Variants in HS6ST2 observed in about 807,000 individuals in gnomAD.
HS6ST2 encodes heparan sulfate 6-O-sulfotransferase 2.
A neutral mutation model predicts 33.0 loss-of-function variants in HS6ST2; 17 were observed. The ratio of observed to expected loss-of-function variants is 0.52; its 90% CI spans 0.35 to 0.77. The LOEUF is 0.77. Among genes scored for constraint, HS6ST2 ranks in the 30% least tolerant of loss-of-function variants. The pLI is 0.01. For synonymous variants in HS6ST2, 248 were observed against 237.1 expected (o/e 1.05, Z -0.42); for missense variants, 519 against 551.7 (o/e 0.94, Z 0.59).
intron 4 of HS6ST2, among the ~76,000 whole-genome samples, chrX:132,657,253 G>C (rs919825516): frequency 2.1e-4 from 23 of 111,534 alleles, no homozygotes; most frequent in Non-Finnish European, 1.9e-5. Context: ...ACCAAGTGGG[G>C]GAATAGAAAC....
chrX:132,681,542 C>T (rs1169649349), intron 3 of HS6ST2, among the ~76,000 whole-genome samples: 1 of 111,537 alleles, frequency 9.0e-6, no homozygotes, highest in Non-Finnish European at 1.9e-5. Flanking sequence ...CCCAGCAATT[C>T]GGGAGGCCAA....
intron 4 of HS6ST2, among the ~76,000 whole-genome samples, chrX:132,652,919 T>C (rs907821611): frequency 8.9e-6 from 1 of 111,736 alleles, no homozygotes; most frequent in Non-Finnish European, 1.9e-5. Context: ...CTCAGGTTTC[T>C]TCTCTGGGGA....
chrX:132,754,418 C>CTT (rs774142302), intron 2 of HS6ST2, among the ~76,000 whole-genome samples: 16 of 96,688 alleles, frequency 1.7e-4, no homozygotes, highest in Middle Eastern at 5.2e-3. Flanking sequence ...CCATACTGCA[C>CTT]TTTTTTTTTT....
intron 2 of HS6ST2, among the ~76,000 whole-genome samples, chrX:132,904,363 G>A (rs1258800895): frequency 9.0e-6 from 1 of 110,521 alleles, no homozygotes; most frequent in Non-Finnish European, 1.9e-5. Context: ...AAAAGTTTCC[G>A]GCTTTTACTA....
chrX:132,647,149 T>A (rs187821036), intron 4 of HS6ST2, among the ~76,000 whole-genome samples: 3 of 111,116 alleles, frequency 2.7e-5, no homozygotes, highest in African/African-American at 9.8e-5. Context: ...CCATCAGCCT[T>A]TCCCCTCAGT....
At chrX:132,722,884 C>CAAAAAAA (rs144182974) in intron 2 of HS6ST2, among the ~76,000 whole-genome samples, 1 of 82,297 alleles carries the variant, frequency 1.2e-5, no homozygotes, top group Non-Finnish European at 2.4e-5. Context: ...AATAAAAAAA[C>CAAAAAAA]AAAAAAAAAA....
intron 2 of HS6ST2, among the ~76,000 whole-genome samples, chrX:132,778,530 G>A (rs1389627072): frequency 9.2e-6 from 1 of 108,621 alleles, no homozygotes; most frequent in Non-Finnish European, 1.9e-5. Context: ...CTCCTGAGTA[G>A]CTGGGATTAC....
chrX:132,890,709 C>T (rs1337512270), intron 2 of HS6ST2, among the ~76,000 whole-genome samples: 1 of 110,712 alleles, frequency 9.0e-6, no homozygotes, highest in Non-Finnish European at 1.9e-5. Context: ...TAACGATGAG[C>T]CTCACTTCTA....
chrX:132,744,470 T>C (rs1360248876), intron 2 of HS6ST2, among the ~76,000 whole-genome samples: 1 of 112,206 alleles, frequency 8.9e-6, no homozygotes, highest in Admixed American at 9.4e-5. Context: ...TTTACTCAAA[T>C]GTGGTTCCAA....
intron 4 of HS6ST2, among the ~76,000 whole-genome samples, chrX:132,642,848 T>G (rs997636510): frequency 5.3e-5 from 6 of 112,543 alleles, no homozygotes; most frequent in African/African-American, 1.9e-4. Context: ...AAGCGTTCTA[T>G]AAGTTTCGTG....
intron 2 of HS6ST2, among the ~76,000 whole-genome samples, chrX:132,816,764 GA>G (rs754464910): frequency 1.8e-5 from 2 of 111,396 alleles, no homozygotes; most frequent in African/African-American, 3.3e-5. Context: ...AGCAACTTTA[GA>G]GTTCACTGCC....
chrX:132,860,392 T>C (rs1300201173), intron 2 of HS6ST2, among the ~76,000 whole-genome samples: 2 of 112,546 alleles, frequency 1.8e-5, no homozygotes, highest in Non-Finnish European at 3.7e-5. Context: ...TCACTTTCAG[T>C]ACCTCTGCTA....
intron 2 of HS6ST2, among the ~76,000 whole-genome samples, chrX:132,885,289 A>T (rs750443613): frequency 1.8e-5 from 2 of 112,034 alleles, no homozygotes; most frequent in South Asian, 7.5e-4. Flanking sequence ...TGGGTGATGA[A>T]AACATTCTGG....
chrX:132,933,763 G>C (rs888989726), intron 2 of HS6ST2, among the ~76,000 whole-genome samples: 5 of 111,894 alleles, frequency 4.5e-5, no homozygotes, highest in Admixed American at 1.9e-4. Flanking sequence ...AACACTGACA[G>C]CTAACTTCTC....
intron 2 of HS6ST2, among the ~76,000 whole-genome samples, chrX:132,914,685 C>T (rs961578960): frequency 8.9e-6 from 1 of 111,765 alleles, no homozygotes; most frequent in Non-Finnish European, 1.9e-5. Flanking sequence ...CAGCCCTGAC[C>T]TGGGGGGCAC....
At chrX:132,666,764 T>C (rs2063813370) in intron 4 of HS6ST2, among the ~76,000 whole-genome samples, 1 of 111,979 alleles carries the variant, frequency 8.9e-6, no homozygotes, top group African/African-American at 3.2e-5. Context: ...CCTCCTTCTA[T>C]CTCCCAGCCT....
chrX:132,685,359 T>C (rs917473074), intron 3 of HS6ST2, among the ~76,000 whole-genome samples: 2 of 111,851 alleles, frequency 1.8e-5, no homozygotes, highest in African/African-American at 6.5e-5. Context: ...TAAACTTTTG[T>C]AAATTTACAC....
At chrX:132,876,484 G>A (rs774990992) in intron 2 of HS6ST2, among the ~76,000 whole-genome samples, 1 of 111,965 alleles carries the variant, frequency 8.9e-6, no homozygotes, top group African/African-American at 3.2e-5. Context: ...TTTACCATTA[G>A]GATTGTCTTT....
chrX:132,645,385 T>C (rs973433263), intron 4 of HS6ST2, among the ~76,000 whole-genome samples: 4 of 112,776 alleles, frequency 3.5e-5, no homozygotes, highest in Non-Finnish European at 5.6e-5. Flanking sequence ...CCTATTCCTT[T>C]CTGCTCAAAG....
Sources: allele counts gnomAD v4.1 joint callset (sites outside exome capture counted in the v4.1 genomes callset), GRCh38; gene constraint gnomAD v4.1.1; transcripts MANE v1.5; gene names NCBI Gene and HGNC (gene_info 2026-07-23, HGNC 2026-07-21).